SYNDIG1L: variants seen among roughly 807,000 people sequenced by gnomAD.
SYNDIG1L encodes the protein synapse differentiation inducing 1 like.
A neutral mutation model predicts 20.1 loss-of-function variants in SYNDIG1L; 13 were observed. The observed-to-expected ratio is 0.65, with a 90% CI of 0.42 to 1.03. SYNDIG1L has a LOEUF of 1.03. SYNDIG1L is among the 50% of genes least tolerant of loss of function. The pLI, the probability that SYNDIG1L is intolerant of heterozygous loss-of-function variation, is 0.00. For synonymous variants in SYNDIG1L, 128 were observed against 129.3 expected, an observed-to-expected ratio of 0.99 and a Z score of 0.07; for missense variants, 294 against 305.1, an observed-to-expected ratio of 0.96 and a Z score of 0.27.
the SYNDIG1L span, among the ~76,000 whole-genome samples, chr14:74,453,535 G>C: frequency 6.6e-6 from 1 of 151,852 alleles, no homozygotes; most frequent in Non-Finnish European, 1.5e-5. Flanking sequence ...TAGTTTCATG[G>C]GTATATAGAT....
At chr14:74,447,897 A>G in the SYNDIG1L span, among the ~76,000 whole-genome samples, 2 of 152,202 alleles carry the variant, frequency 1.3e-5, no homozygotes, top group Non-Finnish European at 2.9e-5. Flanking sequence ...GAAGTATCAT[A>G]ATGTTCTTAT....
chr14:74,415,704 T>A (rs1452725468), intron 1 of SYNDIG1L, among the ~76,000 whole-genome samples: 2 of 152,102 alleles, frequency 1.3e-5, no homozygotes, highest in Non-Finnish European at 2.9e-5. Flanking sequence ...CACGCCCAGC[T>A]ATTTTTTTGT....
chr14:74,462,011 G>T, the SYNDIG1L span, among the ~76,000 whole-genome samples: 11 of 141,192 alleles, frequency 7.8e-5, no homozygotes, highest in Admixed American at 1.4e-4. Context: ...GCTTGAACCT[G>T]GGAGGTGGAG....
chr14:74,476,443 CCTT>C, the SYNDIG1L span: 104 of 1,218,186 alleles, frequency 8.5e-5, no homozygotes, highest in East Asian at 2.6e-3. Context: ...AGGGAGCCGT[CCTT>C]CTCCAAGCCC....
the SYNDIG1L span, chr14:74,472,225 C>A: frequency 3.3e-5 from 5 of 152,348 alleles, no homozygotes; most frequent in Admixed American, 6.5e-5. Flanking sequence ...TCTCCCTCTA[C>A]ATTTTTCCTT....
At chr14:74,466,039 G>A in the SYNDIG1L span, among the ~76,000 whole-genome samples, 7 of 152,202 alleles carry the variant, frequency 4.6e-5, no homozygotes, top group Admixed American at 6.5e-5. Context: ...TCAGAGAAGC[G>A]CAGCCTGACT....
At chr14:74,477,816 GA>G in the SYNDIG1L span, among the ~76,000 whole-genome samples, 1 of 152,200 alleles carries the variant, frequency 6.6e-6, no homozygotes, top group Non-Finnish European at 1.5e-5. Flanking sequence ...CCGTGGACTA[GA>G]AAAGCATGAG....
chr14:74,467,636 A>G, the SYNDIG1L span, among the ~76,000 whole-genome samples: 2 of 152,230 alleles, frequency 1.3e-5, no homozygotes, highest in Non-Finnish European at 2.9e-5. Flanking sequence ...GCAAGCTCCC[A>G]TTCAGCCAAA....
the SYNDIG1L span, among the ~76,000 whole-genome samples, chr14:74,435,759 C>T: frequency 6.6e-6 from 1 of 152,294 alleles, no homozygotes. Context: ...TTCTTGGGAA[C>T]ATGTACAGGG....
At position 74,409,354 on chromosome 14, in the gene SYNDIG1L, G is replaced by C; in HGVS notation, c.391C>G (p.Gln131Glu). The C allele has an allele frequency of 6.4e-7, 1 of 1,571,698 alleles. No homozygotes were observed. Among genetic ancestry groups the C allele is most frequent in the Non-Finnish European group, 8.6e-7 (1 of 1,158,648 alleles). Residue 131 changes from glutamine (Q) to glutamate (E), a missense_variant, in exon 2 of 4, where the codon CAG becomes GAG. Transcript: ENST00000331628. Reference sequence around the variant, plus strand: ...TCCTCTTCCTCCTGGTCATCCTCCTGGTCCCGCAGCTCCTCTTGTACCCCA... The same window carrying C: ...TCCTCTTCCTCCTGGTCATCCTCCTCGTCCCGCAGCTCCTCTTGTACCCCA... ...SYGVQEELRD[Q>E]EDDQEEEESD... is the part of the protein sequence containing the mutation.
At chr14:74,428,128 G>A (rs1432919913), upstream of SYNDIG1L, among the ~76,000 whole-genome samples, 2 of 152,220 alleles carry the variant, frequency 1.3e-5, no homozygotes, top group African/African-American at 2.4e-5. Context: ...TTCTAGTCTC[G>A]CCTTTGTCAT....
the SYNDIG1L span, among the ~76,000 whole-genome samples, chr14:74,455,617 G>A: frequency 9.9e-5 from 15 of 152,012 alleles, no homozygotes; most frequent in Admixed American, 4.6e-4. Context: ...ACGGGATTTC[G>A]CCATGCTGGC....
At chr14:74,457,138 A>G in the SYNDIG1L span, among the ~76,000 whole-genome samples, 1 of 152,088 alleles carries the variant, frequency 6.6e-6, no homozygotes, top group Non-Finnish European at 1.5e-5. Context: ...GGTTTCCAGC[A>G]CTCAAGGGAC....
chr14:74,454,825 C>T, the SYNDIG1L span, among the ~76,000 whole-genome samples: 1 of 152,286 alleles, frequency 6.6e-6, no homozygotes, highest in Admixed American at 6.5e-5. Context: ...TGATCGATCC[C>T]CCACAGAAAA....
chr14:74,474,139 C>T, the SYNDIG1L span: 1 of 152,216 alleles, frequency 6.6e-6, no homozygotes, highest in African/African-American at 2.4e-5. Context: ...TACACATGCA[C>T]ATCCATTGTT....
At chr14:74,478,383 G>A in the SYNDIG1L span, among the ~76,000 whole-genome samples, 1 of 152,226 alleles carries the variant, frequency 6.6e-6, no homozygotes, top group African/African-American at 2.4e-5. Flanking sequence ...AATAAGTGGA[G>A]GAAAGAAAAA....
chr14:74,426,214 A>T (rs1566586792), upstream of SYNDIG1L: 1 of 149,740 alleles, frequency 6.7e-6, no homozygotes, highest in Non-Finnish European at 1.5e-5. Flanking sequence ...CCGACTTGGG[A>T]GAGCAGCGAG....
At chr14:74,408,330 G>A (rs1051121221) in intron 2 of SYNDIG1L, among the ~76,000 whole-genome samples, 2 of 152,140 alleles carry the variant, frequency 1.3e-5, no homozygotes, top group East Asian at 1.9e-4. Context: ...TTGGGAGGCC[G>A]AGGCGGGTGG....
chr14:74,406,055 T>G lies in SYNDIG1L; in HGVS notation c.*1480A>C, dbSNP rs375442472. 7.5e-6 allele frequency: 3 copies of G among 398,506 alleles called. No homozygotes were observed. Among genetic ancestry groups the G allele is most frequent in the East Asian group, 3.6e-5 (1 of 28,082 alleles). 24.7% of individuals were successfully genotyped at this position (398,506 alleles called of 1,614,324 possible). On this transcript the variant is annotated 3_prime_UTR_variant, in exon 4 of 4. Transcript: ENST00000331628. ...TGGAGCCACAGCCCTGGGCTCTGGA[T>G]GGGGCATGGGAATGACCAGGTTCCC...
Sources: allele counts gnomAD v4.1 joint callset (sites outside exome capture counted in the v4.1 genomes callset), GRCh38; gene constraint gnomAD v4.1.1; transcripts MANE v1.5; gene names NCBI Gene and HGNC (gene_info 2026-07-23, HGNC 2026-07-21).